Variants in GMDS observed in about 807,000 individuals in gnomAD.
GMDS encodes the protein GDP-mannose 4,6 dehydratase.
In GMDS, 20 loss-of-function variants were observed where a neutral mutation model predicts 49.9. The ratio of observed to expected loss-of-function variants is 0.40; its 90% CI spans 0.28 to 0.58. The LOEUF is 0.58. GMDS is among the 20% of genes least tolerant of loss of function. The pLI, the probability that GMDS is intolerant of heterozygous loss-of-function variation, is 0.42. For missense variants in GMDS, 362 were observed against 481.4 expected (o/e 0.75, Z 2.32); for synonymous variants, 177 against 178.6 (o/e 0.99, Z 0.07).
At chr6:1,722,031 A>C (rs976474314) in intron 9 of GMDS, among the ~76,000 whole-genome samples, 1 of 150,488 alleles carries the variant, frequency 6.6e-6, no homozygotes, top group Non-Finnish European at 1.5e-5. Flanking sequence ...GCTTCTCCAA[A>C]GATCCTGGAC....
At chr6:1,643,687 T>A (rs559910022) in intron 9 of GMDS, among the ~76,000 whole-genome samples, 1 of 151,746 alleles carries the variant, frequency 6.6e-6, no homozygotes, top group African/African-American at 2.4e-5. Context: ...GGTTATGGAG[T>A]TTTTGCCTCC....
chr6:1,689,765 G>A (rs11242715), intron 9 of GMDS, among the ~76,000 whole-genome samples: 46,823 of 152,132 alleles, frequency 0.31, 8,063 homozygotes, highest in Middle Eastern at 0.46. Flanking sequence ...TCTAGCAAAT[G>A]ATCACCTCAT....
intron 7 of GMDS, among the ~76,000 whole-genome samples, chr6:1,908,526 G>C (rs1163234214): frequency 6.6e-6 from 1 of 152,172 alleles, no homozygotes; most frequent in Admixed American, 6.5e-5. Context: ...TTTGGGCTAT[G>C]CTACAAACCT....
At chr6:1,938,695 T>C (rs1005984202) in intron 6 of GMDS, among the ~76,000 whole-genome samples, 1 of 152,112 alleles carries the variant, frequency 6.6e-6, no homozygotes, top group East Asian at 1.9e-4. Flanking sequence ...TGTGACTCTT[T>C]AATCAAGTCT....
At position 1,778,505 on chromosome 6, in the gene GMDS, T is replaced by A. The variant is rs574942319; in HGVS notation, c.772-35919A>T. On this transcript the variant is annotated intron_variant, in intron 7 of 10. Transcript: ENST00000380815. This position sits in a 1 kb window ranked among gnomAD's most constrained non-coding sequence, Gnocchi z 4.6. ...GGGGGCAGCCTTCCTGACCTGGAAC[T>A]TACTCCAGCCTGGAGTGTTCCAAGA... 1.3e-5 allele frequency among the ~76,000 whole-genome samples: 2 copies of A among 152,294 alleles called. No individual in the cohort carries two copies. Among genetic ancestry groups the A allele is most frequent in the Admixed American group, 1.3e-4 (2 of 15,288 alleles).
At chr6:2,101,063 A>T (rs1052794603) in intron 4 of GMDS, among the ~76,000 whole-genome samples, 2 of 146,094 alleles carry the variant, frequency 1.4e-5, no homozygotes, top group African/African-American at 5.6e-5. Context: ...TTTTTTTTTA[A>T]AAAGTGAGCA....
chr6:2,144,289 G>A (rs1054757386), intron 1 of GMDS, among the ~76,000 whole-genome samples: 1 of 152,194 alleles, frequency 6.6e-6, no homozygotes, highest in East Asian at 1.9e-4. Context: ...CACAGTAGAG[G>A]CTCAGGAATC....
At chr6:1,964,527 C>G (rs1306326532) in intron 4 of GMDS, among the ~76,000 whole-genome samples, 4 of 152,158 alleles carry the variant, frequency 2.6e-5, no homozygotes, top group African/African-American at 9.7e-5. Context: ...GTTCTATATA[C>G]ATTGAATAGA....
chr6:2,027,963 T>G (rs1768706773), intron 4 of GMDS, among the ~76,000 whole-genome samples: 2 of 152,108 alleles, frequency 1.3e-5, no homozygotes, highest in Non-Finnish European at 2.9e-5. Context: ...AAAATTCTAG[T>G]GTCTATAGTT....
chr6:2,131,952 A>G (rs1190494380), intron 1 of GMDS, among the ~76,000 whole-genome samples: 1 of 152,186 alleles, frequency 6.6e-6, no homozygotes, highest in African/African-American at 2.4e-5. Context: ...ACAAATGATG[A>G]CAGCAGTACT....
At chr6:1,792,166 CAG>C (rs1224815662) in intron 7 of GMDS, among the ~76,000 whole-genome samples, 1 of 152,000 alleles carries the variant, frequency 6.6e-6, no homozygotes, top group Non-Finnish European at 1.5e-5. Context: ...TTATTTTCTT[CAG>C]AGTCAACTAG....
At chr6:2,208,502 G>A (rs1251900796) in intron 1 of GMDS, among the ~76,000 whole-genome samples, 1 of 152,186 alleles carries the variant, frequency 6.6e-6, no homozygotes, top group Non-Finnish European at 1.5e-5. Flanking sequence ...CAGGAAAATT[G>A]TAGAGTATTA....
At chr6:1,839,228 C>G (rs1757051870) in intron 7 of GMDS, among the ~76,000 whole-genome samples, 1 of 152,002 alleles carries the variant, frequency 6.6e-6, no homozygotes, top group Non-Finnish European at 1.5e-5. Flanking sequence ...TATTTTTAAA[C>G]AAGAAGTGAG....
At chr6:2,033,136 T>A (rs1361863191) in intron 4 of GMDS, among the ~76,000 whole-genome samples, 1 of 152,196 alleles carries the variant, frequency 6.6e-6, no homozygotes, top group East Asian at 1.9e-4. Flanking sequence ...AAATTGATAC[T>A]TCCTTCATTT....
At chr6:1,839,686 A>C (rs1193956753) in intron 7 of GMDS, among the ~76,000 whole-genome samples, 1 of 152,192 alleles carries the variant, frequency 6.6e-6, no homozygotes, top group Non-Finnish European at 1.5e-5. Context: ...TCACCCTGGA[A>C]GTGGAAATAA....
chr6:1,960,938 G>C lies in GMDS; in HGVS notation c.374C>G (p.Ala125Gly). The C allele has an allele frequency of 6.3e-7, 1 of 1,576,316 alleles. No individual in the cohort carries two copies. The highest frequency in any genetic ancestry group is 8.7e-7 in the Non-Finnish European group (1 of 1,151,698). ...TAGAGTGCCAACTCCGTCAACGTCC[G>C]CAGTGTACTCAGCGAGGTCAAAGGA... The part of the protein sequence containing the change: ...KISFDLAEYT[A>G]DVDGVGTLRL... The change falls in exon 5 of 11, where the codon GCG (alanine) becomes GGG (glycine). Residue 125 changes from alanine (A) to glycine (G), a missense_variant. Physicochemically the swap from Ala to Gly is moderately conservative, Grantham distance 60. Coordinates refer to ENST00000380815, the MANE Select transcript of GMDS (RefSeq NM_001500.4).
chr6:1,695,921 T>TC (rs1765323367), intron 9 of GMDS, among the ~76,000 whole-genome samples: 2 of 135,610 alleles, frequency 1.5e-5, no homozygotes, highest in African/African-American at 5.7e-5. Context: ...TTTTTTTTTT[T>TC]TCTTTTTTTT....
At chr6:2,069,096 C>T (rs1771812830) in intron 4 of GMDS, among the ~76,000 whole-genome samples, 1 of 152,084 alleles carries the variant, frequency 6.6e-6, no homozygotes, top group Admixed American at 6.6e-5. Flanking sequence ...AGAACAGAGC[C>T]CTCAGGAATA....
intron 9 of GMDS, among the ~76,000 whole-genome samples, chr6:1,683,887 T>C (rs1159761434): frequency 1.3e-5 from 2 of 152,172 alleles, no homozygotes; most frequent in African/African-American, 2.4e-5. Flanking sequence ...CATTTTATAC[T>C]GTAATAGAAA....
Sources: gnomAD v4.1 joint callset for allele counts (sites outside exome capture counted in the v4.1 genomes callset) on GRCh38, gnomAD v4.1.1 for gene constraint, Gnocchi (gnomAD v3.1) non-coding constraint, MANE v1.5 for transcripts, NCBI Gene and HGNC (gene_info 2026-07-23, HGNC 2026-07-21) for gene names.